Variants in TBC1D32 observed in about 807,000 individuals in gnomAD.
TBC1D32 encodes protein broad-minded.
Under a neutral mutation model 170.3 loss-of-function variants are expected in TBC1D32, and 151 were observed. That is an observed-to-expected ratio of 0.89 (90% confidence interval 0.78 to 1.01). The LOEUF (loss-of-function observed/expected upper bound fraction) is 1.01. Ranked by LOEUF, TBC1D32 falls within the 50% of genes least tolerant of loss-of-function variation. TBC1D32 has a pLI of 0.00. For missense variants in TBC1D32, 1,464 were observed against 1,457.1 expected, an observed-to-expected ratio of 1.00 and a Z score of -0.08; for synonymous variants, 498 against 488.0, an observed-to-expected ratio of 1.02 and a Z score of -0.27.
chr6:121,299,360 C>G (rs1349454772), intron 10 of TBC1D32, 86 bp downstream of exon 10: 1 of 1,363,122 alleles, frequency 7.3e-7, no homozygotes, highest in African/African-American at 1.5e-5. Context: ...TAATTATCAC[C>G]ACACAACTTT....
intron 3 of TBC1D32, among the ~76,000 whole-genome samples, chr6:121,311,583 C>T (rs764486391): frequency 6.6e-6 from 1 of 151,990 alleles, no homozygotes; most frequent in Non-Finnish European, 1.5e-5. Flanking sequence ...CAAAAACTAC[C>T]TGGGCATGGT....
intron 24 of TBC1D32, among the ~76,000 whole-genome samples, chr6:121,133,741 C>A (rs1781706521): frequency 6.6e-6 from 1 of 151,968 alleles, no homozygotes; most frequent in Non-Finnish European, 1.5e-5. Flanking sequence ...TAAATACACA[C>A]ATAAAGCAAA....
intron 14 of TBC1D32, among the ~76,000 whole-genome samples, chr6:121,281,294 A>G (rs950418503): frequency 8.6e-5 from 13 of 150,506 alleles, no homozygotes; most frequent in African/African-American, 3.1e-4. Context: ...AATTATTTGC[A>G]TCAGCAGATC....
At chr6:121,209,731 A>T (rs1378991012) in intron 21 of TBC1D32, among the ~76,000 whole-genome samples, 1 of 152,202 alleles carries the variant, frequency 6.6e-6, no homozygotes, top group Non-Finnish European at 1.5e-5. Flanking sequence ...TCAAACTCTT[A>T]ACCATTATTA....
At chr6:121,196,017 T>C (rs1026257398) in intron 22 of TBC1D32, among the ~76,000 whole-genome samples, 4 of 152,136 alleles carry the variant, frequency 2.6e-5, no homozygotes, top group African/African-American at 9.7e-5. Flanking sequence ...GAGAAATAAA[T>C]TTGGGGAAGA....
intron 29 of TBC1D32, among the ~76,000 whole-genome samples, chr6:121,109,842 A>AT (rs995526996): frequency 6.6e-5 from 10 of 151,284 alleles, no homozygotes; most frequent in East Asian, 3.9e-4. Context: ...TCCTAAGCTT[A>AT]TTTTTTTTTA....
At chr6:121,100,597 G>A (rs1453631659) in intron 30 of TBC1D32, among the ~76,000 whole-genome samples, 3 of 151,972 alleles carry the variant, frequency 2.0e-5, no homozygotes, top group Non-Finnish European at 2.9e-5. Flanking sequence ...GTGTGTAGAG[G>A]GAAATTTATA....
chr6:121,183,057 AGT>A (rs1788744062), intron 22 of TBC1D32, among the ~76,000 whole-genome samples: 1 of 151,530 alleles, frequency 6.6e-6, no homozygotes, highest in African/African-American at 2.4e-5. Flanking sequence ...TGTGTTTGTG[AGT>A]GTGTGTAAAT....
intron 24 of TBC1D32, among the ~76,000 whole-genome samples, chr6:121,153,347 C>T (rs1201880316): frequency 6.6e-6 from 1 of 152,172 alleles, no homozygotes; most frequent in Non-Finnish European, 1.5e-5. Flanking sequence ...AAGATTGCTG[C>T]CTGTTCCTTC....
At chr6:121,102,720 A>G (rs1378854081) in intron 30 of TBC1D32, among the ~76,000 whole-genome samples, 2 of 152,180 alleles carry the variant, frequency 1.3e-5, no homozygotes, top group African/African-American at 4.8e-5. Flanking sequence ...AATGGCAACA[A>G]AAGCCAAAAT....
chr6:121,084,894 C>T (rs1281381972), intron 31 of TBC1D32, among the ~76,000 whole-genome samples: 3 of 151,742 alleles, frequency 2.0e-5, no homozygotes, highest in Admixed American at 2.0e-4. Context: ...TTATTAATGC[C>T]CTTGCAAAAT....
chr6:121,279,305 C>T, intron 14 of TBC1D32, 60 bp from the exon 15 acceptor site: 8 of 1,546,106 alleles, frequency 5.2e-6, no homozygotes, highest in Non-Finnish European at 5.2e-6. Context: ...TAACATATCA[C>T]AGACTAAAAT....
Position 121,255,378 on chromosome 6 carries a change from T to G in TBC1D32, c.1968A>C (p.Pro656=). The G allele has an allele frequency of 2.0e-6, 3 of 1,524,720 alleles. No homozygotes were observed. The highest frequency in any genetic ancestry group is 2.6e-6 in the Non-Finnish European group (3 of 1,140,092). 94.4% of individuals were successfully genotyped at this position (1,524,720 alleles called of 1,614,324 possible). A position where few individuals can be genotyped will look rare whatever the true frequency, so the allele number is the denominator to read the frequency against. ...TSLLSERIPT[P]VEGSDSVSSV... is the part of the protein sequence containing the mutation. ...AAGAAACAGAATCAGAACCCTCTAC[T>G]GGAGTAGGAATTCTTTCTGATAGCA... The change falls in exon 17 of 32, where the codon CCA becomes CCC. Residue 656 remains proline (P), a synonymous_variant. Transcript: ENST00000398212.
chr6:121,321,705 C>A lies in TBC1D32; in HGVS notation c.245G>T (p.Arg82Leu), dbSNP rs7767455. The part of the protein sequence containing the change: ...EEEMEKCTSD[R>L]NQGEECGYDT... ...ATAGCCGCATTCTTCACCCTGATTC[C>A]GATCAGATGTGCATTTTTCCATTTC... The change falls in exon 2 of 32, where the codon CGG (arginine) becomes CTG (leucine). Residue 82 changes from arginine (R) to leucine (L), a missense_variant. Coordinates refer to ENST00000398212, the MANE Select transcript of TBC1D32 (RefSeq NM_152730.6). 5 of 1,613,682 alleles carry A rather than the reference C, an allele frequency of 3.1e-6. No individual in the cohort carries two copies. The Admixed American group carries it at 8.3e-5, about 27-fold the overall frequency.
chr6:121,269,861 A>G (rs1801111425), intron 15 of TBC1D32, among the ~76,000 whole-genome samples: 1 of 152,196 alleles, frequency 6.6e-6, no homozygotes, highest in South Asian at 2.1e-4. Flanking sequence ...CATAGTTGGA[A>G]GTAAAGCACT....
intron 24 of TBC1D32, among the ~76,000 whole-genome samples, chr6:121,152,001 A>T (rs962692914): frequency 1.3e-5 from 2 of 152,158 alleles, no homozygotes; most frequent in African/African-American, 4.8e-5. Context: ...GCTTGTTTAC[A>T]GTTAAGGTTA....
At chr6:121,191,181 ATT>A (rs755229965) in intron 22 of TBC1D32, among the ~76,000 whole-genome samples, 19 of 152,276 alleles carry the variant, frequency 1.2e-4, no homozygotes, top group East Asian at 5.8e-4. Flanking sequence ...ATATATGGAA[ATT>A]TTTGTTATAT....
intron 22 of TBC1D32, among the ~76,000 whole-genome samples, chr6:121,195,418 C>G (rs1229226980): frequency 6.6e-6 from 1 of 152,156 alleles, no homozygotes; most frequent in Non-Finnish European, 1.5e-5. Flanking sequence ...TGGCATGTTA[C>G]TGGGCTTTGG....
At chr6:121,138,326 A>C (rs1030211788) in intron 24 of TBC1D32, among the ~76,000 whole-genome samples, 6 of 152,148 alleles carry the variant, frequency 3.9e-5, no homozygotes, top group Non-Finnish European at 8.8e-5. Context: ...AGCACTTACT[A>C]TGGGAGAAAT....
Sources: allele counts gnomAD v4.1 joint callset (sites outside exome capture counted in the v4.1 genomes callset), GRCh38; gene constraint gnomAD v4.1.1; transcripts MANE v1.5; gene names NCBI Gene and HGNC (gene_info 2026-07-23, HGNC 2026-07-21).